Variants in RPIA observed in about 807,000 individuals in gnomAD.
RPIA encodes ribose-5-phosphate isomerase.
Under a neutral mutation model 37.8 loss-of-function variants are expected in RPIA, and 29 were observed. The ratio of observed to expected loss-of-function variants is 0.77; its 90% CI spans 0.57 to 1.05. The LOEUF is 1.05. RPIA is among the 50% of genes least tolerant of loss of function. The pLI is 0.00. For missense variants in RPIA, 385 were observed against 413.6 expected (o/e 0.93, Z 0.60); for synonymous variants, 167 against 157.0 (o/e 1.06, Z -0.48).
At chr2:88,741,883 G>C (rs1341613411) in intron 8 of RPIA, among the ~76,000 whole-genome samples, 1 of 152,072 alleles carries the variant, frequency 6.6e-6, no homozygotes, top group Non-Finnish European at 1.5e-5. Flanking sequence ...GTCTATTCAT[G>C]TCCTTGGCCC....
intron 1 of RPIA, among the ~76,000 whole-genome samples, chr2:88,697,931 T>TGCCTATGGAAGACACTGAAGCC (rs1404962005): frequency 9.9e-5 from 15 of 152,110 alleles, no homozygotes; most frequent in Non-Finnish European, 1.9e-4. Context: ...AACTTGAAGG[T>TGCCTATGGAAGACACTGAAGCC]GCCTATGGAA....
chr2:88,735,758 G>A (rs1412078554), intron 6 of RPIA, 21 bp downstream of exon 6: 2 of 1,611,818 alleles, frequency 1.2e-6, no homozygotes, highest in Non-Finnish European at 1.7e-6. Flanking sequence ...TGGTGTCTGA[G>A]CTGCCAACTG....
Position 88,729,286 on chromosome 2 carries a change from G to C in RPIA, c.411G>C (p.Gln137His). The change falls in exon 4 of 9, where the codon CAG becomes CAC. Residue 137 changes from glutamine (Q) to histidine (H), a missense_variant. Gln to His is a conservative substitution (Grantham distance 24). Coordinates refer to ENST00000283646, the MANE Select transcript of RPIA (RefSeq NM_144563.3). ...TTCCCTGTCCTCCGCAGGCCCGCCA[G>C]CTCATCCTGCAGTATGGCTTGACCC... ...VCIPTSFQAR[Q>H]LILQYGLTLS... 6.2e-7 allele frequency: 1 copy of C among 1,614,194 alleles called. No homozygotes were observed. The highest frequency in any genetic ancestry group is 8.5e-7 in the Non-Finnish European group (1 of 1,180,028).
rs376468038 is a variant in RPIA at position 88,728,608 on chromosome 2, G to A, written c.403-670G>A. Reference sequence around the variant, plus strand: ...TTTGAGGTATCTTTATTCCAGCTACGAATCCTGCTCAGAGCCAAAATTTGA... The same window carrying A: ...TTTGAGGTATCTTTATTCCAGCTACAAATCCTGCTCAGAGCCAAAATTTGA... On this transcript the variant is annotated intron_variant, in intron 3 of 8. Coordinates refer to ENST00000283646, the MANE Select transcript of RPIA (RefSeq NM_144563.3). Among the ~76,000 whole-genome samples, 50 of 152,276 alleles carry A rather than the reference G, an allele frequency of 3.3e-4. No homozygotes were observed. The East Asian group carries it at 4.8e-3, about 15-fold the overall frequency.
At chr2:88,692,698 A>G (rs1267194004) in intron 1 of RPIA, among the ~76,000 whole-genome samples, 2 of 152,240 alleles carry the variant, frequency 1.3e-5, no homozygotes, top group South Asian at 4.1e-4. Flanking sequence ...TCTTAATTAT[A>G]ATAAGGAAGC....
intron 4 of RPIA, among the ~76,000 whole-genome samples, chr2:88,732,728 T>TAAAA (rs75685116): frequency 1.0e-3 from 2 of 1,998 alleles, no homozygotes; most frequent in Non-Finnish European, 1.6e-3. Flanking sequence ...TAGAGTATAA[T>TAAAA]AAAAAAAAAA....
chr2:88,708,482 A>G lies in RPIA; in HGVS notation c.402+8418A>G, dbSNP rs373242743. Among the ~76,000 whole-genome samples the G allele has an allele frequency of 7.2e-5, 11 of 152,340 alleles. 1 individual carries two copies. The East Asian group carries it at 1.2e-3, about 16-fold the overall frequency. ...TTGGCTAGACATTATGGTATTTAAG[A>G]TCTTCGTCTCCAAGGAGTACACCGT... On this transcript the variant is annotated intron_variant, in intron 3 of 8. Coordinates refer to ENST00000283646, the MANE Select transcript of RPIA (RefSeq NM_144563.3).
intron 3 of RPIA, among the ~76,000 whole-genome samples, chr2:88,726,100 G>C (rs559517873): frequency 2.6e-4 from 40 of 152,280 alleles, no homozygotes; most frequent in Admixed American, 7.8e-4. Flanking sequence ...TGCAGAAGTT[G>C]AGGGTGGAGT....
intron 5 of RPIA, 106 bp from the exon 6 acceptor site, chr2:88,735,562 CT>C: frequency 9.9e-7 from 1 of 1,007,140 alleles, no homozygotes; most frequent in Non-Finnish European, 1.6e-6. Context: ...AGTTAAGTTT[CT>C]CTTTAAGTGC....
At chr2:88,726,723 A>G (rs1459199355) in intron 3 of RPIA, among the ~76,000 whole-genome samples, 1 of 152,144 alleles carries the variant, frequency 6.6e-6, no homozygotes, top group East Asian at 1.9e-4. Flanking sequence ...AAACGTCCTT[A>G]TCAGTTAGCA....
rs1573467680 is a variant in RPIA at position 88,716,054 on chromosome 2, CAG to C, written c.403-13222_403-13221del. Among the ~76,000 whole-genome samples, 4 of 152,226 alleles carry C rather than the reference CAG, an allele frequency of 2.6e-5. No homozygotes were observed. The East Asian group carries it at 7.7e-4, about 29-fold the overall frequency. ...AAGGAACTTCCTTGTGGACAAAAGA[CAG>C]AACTCAAAGTCATCCCTCTGAGGCT... On this transcript the variant is annotated intron_variant, in intron 3 of 8. Transcript: ENST00000283646.
In RPIA at chr2:88,691,716, C is replaced by A; in HGVS notation, c.18C>A (p.Pro6=). Residue 6 remains proline (P), a synonymous_variant, in exon 1 of 9, where the codon CCC becomes CCA. Transcript: ENST00000283646. MQRPG[P]FSTLYGRVLA... is the part of the protein sequence containing the mutation. ...GCGTCGGGATGCAGCGCCCCGGGCC[C>A]TTCAGCACCCTCTACGGGCGGGTCT... The A allele has an allele frequency of 6.3e-7, 1 of 1,588,552 alleles. No homozygotes were observed. Among genetic ancestry groups the A allele is most frequent in the Non-Finnish European group, 8.5e-7 (1 of 1,173,420 alleles).
At chr2:88,713,099 A>AATAT (rs1553420187) in intron 3 of RPIA, among the ~76,000 whole-genome samples, 571 of 45,552 alleles carry the variant, frequency 0.013, 8 homozygotes, top group East Asian at 0.024. Context: ...TGGATGTCTG[A>AATAT]ATATATATAT....
chr2:88,727,359 C>T (rs1345414832), intron 3 of RPIA, among the ~76,000 whole-genome samples: 1 of 152,286 alleles, frequency 6.6e-6, no homozygotes, highest in East Asian at 1.9e-4. Context: ...TTTTTGTAGT[C>T]TCAGATCTGA....
intron 8 of RPIA, among the ~76,000 whole-genome samples, chr2:88,746,707 GT>G (rs1673441851): frequency 6.6e-6 from 1 of 152,208 alleles, no homozygotes. Flanking sequence ...TTGTATTTTT[GT>G]TTAGTGCACT....
intron 3 of RPIA, among the ~76,000 whole-genome samples, chr2:88,720,664 G>A (rs1273254673): frequency 6.6e-6 from 1 of 151,004 alleles, no homozygotes; most frequent in East Asian, 1.9e-4. Context: ...ATAGTTATGA[G>A]ATACCATCTC....
intron 6 of RPIA, 68 bp from the exon 7 acceptor site, chr2:88,736,467 A>T: frequency 6.4e-7 from 1 of 1,563,540 alleles, no homozygotes; most frequent in Non-Finnish European, 8.8e-7. Flanking sequence ...CCTGTTCCTG[A>T]ATTTGGTGTT....
intron 5 of RPIA, among the ~76,000 whole-genome samples, chr2:88,734,903 C>A (rs1284243896): frequency 6.6e-6 from 1 of 152,202 alleles, no homozygotes; most frequent in East Asian, 1.9e-4. Context: ...AAGGCCAAAT[C>A]AAAATAATAC....
chr2:88,724,943 T>G (rs1192687953), intron 3 of RPIA, among the ~76,000 whole-genome samples: 2 of 152,166 alleles, frequency 1.3e-5, no homozygotes, highest in African/African-American at 4.8e-5. Flanking sequence ...TAAAACTACA[T>G]TTTCAGGTTT....
Sources: allele counts gnomAD v4.1 joint callset (sites outside exome capture counted in the v4.1 genomes callset), GRCh38; gene constraint gnomAD v4.1.1; transcripts MANE v1.5; gene names NCBI Gene and HGNC (gene_info 2026-07-23, HGNC 2026-07-21).